ASAP2: variants seen among roughly 807,000 people sequenced by gnomAD.
ASAP2 encodes ArfGAP with SH3 domain, ankyrin repeat and PH domain 2.
A neutral mutation model predicts 131.4 loss-of-function variants in ASAP2; 45 were observed. The ratio of observed to expected loss-of-function variants is 0.34; its 90% CI spans 0.27 to 0.44. ASAP2 has a LOEUF of 0.44. Ranked by LOEUF, ASAP2 falls within the 20% of genes least tolerant of loss-of-function variation. The pLI, the probability that ASAP2 is intolerant of heterozygous loss-of-function variation, is 1.00. For missense variants in ASAP2, 1,011 were observed against 1,297.0 expected (o/e 0.78, Z 3.39); for synonymous variants, 510 against 503.0 (o/e 1.01, Z -0.19).
chr2:9,297,728 T>G (rs62121305), intron 3 of ASAP2, among the ~76,000 whole-genome samples: 43,779 of 152,126 alleles, frequency 0.29, 6,755 homozygotes, highest in Non-Finnish European at 0.36. Flanking sequence ...CTGACTTGAA[T>G]TTTTAACAGT....
intron 20 of ASAP2, among the ~76,000 whole-genome samples, chr2:9,381,630 G>C (rs1015786476): frequency 8.5e-5 from 13 of 152,208 alleles, no homozygotes; most frequent in African/African-American, 3.1e-4. Context: ...CAGTTACCCA[G>C]GAGGCTAAGG....
chr2:9,278,318 T>C (rs764182536), intron 1 of ASAP2, among the ~76,000 whole-genome samples: 2 of 151,928 alleles, frequency 1.3e-5, no homozygotes, highest in Non-Finnish European at 2.9e-5. Context: ...TTTGAGACCA[T>C]CCTGTCTAAC....
At chr2:9,293,974 T>A (rs887358653) in intron 2 of ASAP2, among the ~76,000 whole-genome samples, 1 of 151,662 alleles carries the variant, frequency 6.6e-6, no homozygotes, top group African/African-American at 2.4e-5. Context: ...ATACATCGTT[T>A]AGAAGATGTA....
At chr2:9,397,099 T>C (rs1676204073) in intron 24 of ASAP2, among the ~76,000 whole-genome samples, 1 of 152,250 alleles carries the variant, frequency 6.6e-6, no homozygotes, top group South Asian at 2.1e-4. Context: ...GCTAATTATT[T>C]CTGCCTCTAT....
intron 3 of ASAP2, among the ~76,000 whole-genome samples, chr2:9,299,660 C>A (rs1293195837): frequency 2.0e-5 from 3 of 152,176 alleles, no homozygotes; most frequent in Admixed American, 2.0e-4. Flanking sequence ...AGCAGCCAGC[C>A]CAGGACGGCT....
At chr2:9,279,535 T>A in intron 2 of ASAP2, 146 bp downstream of exon 2, 1 of 751,486 alleles carries the variant, frequency 1.3e-6, no homozygotes, top group East Asian at 2.7e-5. Flanking sequence ...GCTGGGATGT[T>A]TCTTTTTCAG....
intron 1 of ASAP2, among the ~76,000 whole-genome samples, chr2:9,223,818 G>A (rs1662588079): frequency 6.6e-6 from 1 of 152,094 alleles, no homozygotes. Flanking sequence ...AGTTAGACCA[G>A]CTTAGAAGGG....
intron 1 of ASAP2, among the ~76,000 whole-genome samples, chr2:9,251,918 C>CT (rs921373865): frequency 7.4e-5 from 11 of 148,116 alleles, no homozygotes; most frequent in African/African-American, 1.7e-4. Context: ...GCCCACATTG[C>CT]TTTTTTTTTT....
intron 1 of ASAP2, among the ~76,000 whole-genome samples, chr2:9,234,677 G>T (rs1295164534): frequency 6.6e-6 from 1 of 152,154 alleles, no homozygotes; most frequent in Non-Finnish European, 1.5e-5. Flanking sequence ...GAGCCAAGGT[G>T]AAGGAAGATG....
intron 1 of ASAP2, among the ~76,000 whole-genome samples, chr2:9,266,912 G>T (rs1665982964): frequency 6.6e-6 from 1 of 152,184 alleles, no homozygotes; most frequent in African/African-American, 2.4e-5. Context: ...TGATGGTTTA[G>T]AAATGGTACT....
chr2:9,297,407 G>A lies in ASAP2; in HGVS notation c.307G>A (p.Val103Met). Residue 103 changes from valine (V) to methionine (M), a missense_variant, in exon 3 of 28, where the codon GTG (valine) becomes ATG (methionine). Transcript: ENST00000281419. The part of the protein sequence containing the change: ...DLGSAFLKFS[V>M]FTKELTALFK... Reference sequence around the variant, plus strand: ...AGGAAGTGCGTTCCTGAAGTTCTCAGTGTTTACAAAGGAGTTGACAGCACT... The same window carrying A: ...AGGAAGTGCGTTCCTGAAGTTCTCAATGTTTACAAAGGAGTTGACAGCACT... 1 of 1,614,208 alleles carries A rather than the reference G, an allele frequency of 6.2e-7. No homozygotes were observed. Among genetic ancestry groups the A allele is most frequent in the Non-Finnish European group, 8.5e-7 (1 of 1,180,038 alleles).
chr2:9,340,438 C>T (rs13424953), intron 9 of ASAP2, among the ~76,000 whole-genome samples: 45,591 of 152,082 alleles, frequency 0.3, 7,185 homozygotes, highest in Non-Finnish European at 0.35. Flanking sequence ...ACTGGTTCTC[C>T]GGAGTCTTTT....
At chr2:9,256,292 C>T (rs1375370772) in intron 1 of ASAP2, among the ~76,000 whole-genome samples, 5 of 151,884 alleles carry the variant, frequency 3.3e-5, no homozygotes, top group Non-Finnish European at 5.9e-5. Context: ...TGTCAGTGGG[C>T]GCCAGGATGT....
At chr2:9,378,817 A>T in intron 18 of ASAP2, 127 bp from the exon 19 acceptor site, 1 of 562,268 alleles carries the variant, frequency 1.8e-6, no homozygotes, top group Non-Finnish European at 2.8e-6. Context: ...GCGATGATTT[A>T]CAGAAACCGT....
intron 1 of ASAP2, among the ~76,000 whole-genome samples, chr2:9,208,369 A>G (rs1053580712): frequency 2.0e-5 from 3 of 151,120 alleles, no homozygotes; most frequent in Admixed American, 6.6e-5. Flanking sequence ...GGGTGTCACC[A>G]AAGAGCTTTA....
chr2:9,257,968 T>G (rs1011262331), intron 1 of ASAP2, among the ~76,000 whole-genome samples: 1 of 152,160 alleles, frequency 6.6e-6, no homozygotes, highest in African/African-American at 2.4e-5. Flanking sequence ...ACTGCCCAGG[T>G]TGGAGAGTCA....
intron 16 of ASAP2, among the ~76,000 whole-genome samples, chr2:9,371,376 C>G (rs549793553): frequency 7.9e-5 from 12 of 152,324 alleles, no homozygotes; most frequent in African/African-American, 2.9e-4. Flanking sequence ...ACTTCTTACT[C>G]ATTTTGGTTT....
At chr2:9,252,093 C>T (rs1341332286) in intron 1 of ASAP2, among the ~76,000 whole-genome samples, 1 of 152,170 alleles carries the variant, frequency 6.6e-6, no homozygotes, top group Non-Finnish European at 1.5e-5. Context: ...GGAGAGCCTT[C>T]GTGTCACAAA....
intron 12 of ASAP2, among the ~76,000 whole-genome samples, chr2:9,351,742 T>A (rs1300872178): frequency 1.3e-5 from 2 of 152,172 alleles, no homozygotes; most frequent in Admixed American, 1.3e-4. Flanking sequence ...GGAAGTCACT[T>A]GTTATGTGAT....
Sources: allele counts gnomAD v4.1 joint callset (sites outside exome capture counted in the v4.1 genomes callset), GRCh38; gene constraint gnomAD v4.1.1; transcripts MANE v1.5; gene names NCBI Gene and HGNC (gene_info 2026-07-23, HGNC 2026-07-21).